IKZF3: variants seen among roughly 807,000 people sequenced by gnomAD.
IKZF3 encodes IKAROS family zinc finger 3, also known as zinc finger protein Aiolos.
A neutral mutation model predicts 49.0 loss-of-function variants in IKZF3; 10 were observed. The observed-to-expected ratio is 0.20, with a 90% CI of 0.13 to 0.35. The LOEUF (loss-of-function observed/expected upper bound fraction) is 0.35, where lower values mean the gene tolerates loss of function less well. Among genes scored for constraint, IKZF3 ranks in the 10% least tolerant of loss-of-function variants. The pLI is 1.00. For missense variants in IKZF3, 498 were observed against 664.8 expected, an observed-to-expected ratio of 0.75 and a Z score of 2.76; for synonymous variants, 209 against 228.2, an observed-to-expected ratio of 0.92 and a Z score of 0.76.
At chr17:39,837,643 T>TC (rs916234627) in intron 1 of IKZF3, among the ~76,000 whole-genome samples, 2 of 151,556 alleles carry the variant, frequency 1.3e-5, no homozygotes, top group African/African-American at 4.8e-5. Context: ...TGTTTCTTTT[T>TC]CTTTTTTTTT....
At chr17:39,826,318 C>A (rs948468389) in intron 3 of IKZF3, among the ~76,000 whole-genome samples, 1 of 152,224 alleles carries the variant, frequency 6.6e-6, no homozygotes, top group Non-Finnish European at 1.5e-5. Context: ...GTTAGGATTA[C>A]AGGCATAAGC....
At chr17:39,805,984 T>C (rs9894680) in intron 3 of IKZF3, among the ~76,000 whole-genome samples, 8,693 of 152,306 alleles carry the variant, frequency 0.057, 375 homozygotes, top group African/African-American at 0.12. Flanking sequence ...AGGAACAATA[T>C]GGTATTTAAC....
In IKZF3 at chr17:39,766,457, G is replaced by A. The variant is rs1346144620; in HGVS notation, c.863C>T (p.Ser288Leu). 2 of 1,613,408 alleles carry A rather than the reference G, an allele frequency of 1.2e-6. No homozygotes were observed. Among genetic ancestry groups the A allele is most frequent in the Non-Finnish European group, 1.7e-6 (2 of 1,179,878 alleles). Residue 288 changes from serine to leucine, a missense_variant, in exon 8 of 8, where the codon TCA (serine) becomes TTA (leucine). Physicochemically the swap from Ser to Leu is moderately radical, Grantham distance 145 (BLOSUM62 -2). Transcript: ENST00000346872. ...ACTCTCTTTCTCATACATGTAACTT[G>A]AATTATAGTTGACATCAAAGCAGTG... Reference protein sequence around the residue: ...KRHCFDVNYNSSYMYEKESEL... With the variant: ...KRHCFDVNYNLSYMYEKESEL...
chr17:39,787,671 G>A (rs1369873097), intron 6 of IKZF3, among the ~76,000 whole-genome samples: 25 of 152,232 alleles, frequency 1.6e-4, no homozygotes, highest in Non-Finnish European at 5.9e-5. Flanking sequence ...TTATTGCAAT[G>A]GCCTCCTAAC....
chr17:39,837,444 A>G (rs1222738731), intron 1 of IKZF3, among the ~76,000 whole-genome samples: 1 of 147,176 alleles, frequency 6.8e-6, no homozygotes, highest in East Asian at 2.0e-4. Flanking sequence ...TTTTCTTAAA[A>G]CTTTTTTTTT....
At chr17:39,850,777 GTATA>G (rs2062836156) in intron 1 of IKZF3, among the ~76,000 whole-genome samples, 1 of 41,460 alleles carries the variant, frequency 2.4e-5, no homozygotes, top group African/African-American at 6.9e-5. Flanking sequence ...ATAATATATA[GTATA>G]TATACATATC....
chr17:39,841,486 G>C (rs1370540046), intron 1 of IKZF3, among the ~76,000 whole-genome samples: 1 of 152,122 alleles, frequency 6.6e-6, no homozygotes, highest in African/African-American at 2.4e-5. Flanking sequence ...AAGCAGTTGA[G>C]AAGAATGTCC....
chr17:39,819,365 A>G (rs571108342), intron 3 of IKZF3, among the ~76,000 whole-genome samples: 4 of 152,332 alleles, frequency 2.6e-5, no homozygotes, highest in African/African-American at 9.6e-5. Context: ...GTAACTCAGA[A>G]AAAAAACAAG....
At chr17:39,770,748 C>T (rs2060416823) in intron 7 of IKZF3, among the ~76,000 whole-genome samples, 1 of 151,142 alleles carries the variant, frequency 6.6e-6, no homozygotes. Flanking sequence ...GCTGTATCCA[C>T]CGTGCCATCC....
chr17:39,777,528 A>C, intron 7 of IKZF3, 123 bp downstream of exon 7: 1 of 630,856 alleles, frequency 1.6e-6, no homozygotes, highest in Non-Finnish European at 2.8e-6. Context: ...ATAAAAGTAC[A>C]CAATGAAAAA....
chr17:39,847,836 A>G (rs2062678936), intron 1 of IKZF3, among the ~76,000 whole-genome samples: 1 of 152,242 alleles, frequency 6.6e-6, no homozygotes, highest in Non-Finnish European at 1.5e-5. Flanking sequence ...AGTCAGTGAC[A>G]CATTAAGAAG....
chr17:39,766,259 C>A lies in IKZF3; in HGVS notation c.1061G>T (p.Gly354Val), dbSNP rs1472502756. The stretch of plus-strand genomic sequence containing the variant: ...TTTCTTTTCCAGCTCTTGAGGGGCA[C>A]CGTTTGACATCTCAGCCCGGGTGAG... ...IALTRAEMSNGAPQELEKKSI... is the reference protein window; with the variant it reads ...IALTRAEMSNVAPQELEKKSI... Residue 354 changes from glycine (G) to valine (V), a missense_variant, in exon 8 of 8, where the codon GGT becomes GTT. Around this residue, in one of 3 missense-constraint regions of IKZF3, gnomAD observed 317 missense variants for 397.3 expected, o/e 0.80. Coordinates refer to ENST00000346872, the MANE Select transcript of IKZF3 (RefSeq NM_012481.5). 6.2e-7 allele frequency: 1 copy of A among 1,614,146 alleles called. No individual in the cohort carries two copies. The highest frequency in any genetic ancestry group is 1.7e-5 in the Admixed American group (1 of 60,028).
At chr17:39,849,333 A>T (rs2062729061) in intron 1 of IKZF3, among the ~76,000 whole-genome samples, 1 of 149,498 alleles carries the variant, frequency 6.7e-6, no homozygotes, top group African/African-American at 2.5e-5. Flanking sequence ...AAAGCCCACA[A>T]AATCAGTATG....
At chr17:39,789,331 G>A (rs1356977808) in intron 5 of IKZF3, among the ~76,000 whole-genome samples, 4 of 152,252 alleles carry the variant, frequency 2.6e-5, no homozygotes, top group South Asian at 2.1e-4. Flanking sequence ...TTCGGAGGCC[G>A]AGGCAGGCGG....
intron 1 of IKZF3, among the ~76,000 whole-genome samples, chr17:39,842,161 C>T (rs1455034039): frequency 2.0e-5 from 3 of 151,708 alleles, no homozygotes; most frequent in African/African-American, 4.8e-5. Flanking sequence ...ACTACAATAG[C>T]GTCTAGATAT....
chr17:39,847,203 GT>G (rs1464579744), intron 1 of IKZF3, among the ~76,000 whole-genome samples: 1 of 152,076 alleles, frequency 6.6e-6, no homozygotes, highest in East Asian at 1.9e-4. Flanking sequence ...TCCTTTACCA[GT>G]TCTCCGTATC....
chr17:39,827,816 G>A (rs2061998248), intron 3 of IKZF3, among the ~76,000 whole-genome samples: 1 of 152,224 alleles, frequency 6.6e-6, no homozygotes, highest in Admixed American at 6.5e-5. Context: ...CCTCCTCAGA[G>A]TAGTAGTTTG....
intron 1 of IKZF3, among the ~76,000 whole-genome samples, chr17:39,859,945 A>C (rs887296143): frequency 1.3e-5 from 2 of 152,154 alleles, no homozygotes; most frequent in Admixed American, 1.3e-4. Context: ...TTGGACATCT[A>C]TCTAGGCCAG....
rs13341681 is a variant in IKZF3, at chr17:39,846,404, G to A, written c.8-14253C>T. ...ACTAAGAGATGATAATTTCAAATTC[G>A]TTTTTGGCTTTTTAGATTCTCTTTT... On this transcript the variant is annotated intron_variant, in intron 1 of 7. Coordinates refer to ENST00000346872, the MANE Select transcript of IKZF3 (RefSeq NM_012481.5). Among the ~76,000 whole-genome samples, 664 of 148,468 alleles carry A rather than the reference G, an allele frequency of 4.5e-3. 3 individuals carry two copies. The highest frequency in any genetic ancestry group is 0.015 in the African/African-American group (619 of 40,228).
Sources: allele counts gnomAD v4.1 joint callset (sites outside exome capture counted in the v4.1 genomes callset), GRCh38; gene constraint gnomAD v4.1.1; regional missense constraint gnomAD v4.1.1; transcripts MANE v1.5; gene names NCBI Gene and HGNC (gene_info 2026-07-23, HGNC 2026-07-21).